CD109: variants seen among roughly 807,000 people sequenced by gnomAD.
CD109 encodes CD109 molecule.
A neutral mutation model predicts 165.8 loss-of-function variants in CD109; 149 were observed. That is an observed-to-expected ratio of 0.90 (90% CI 0.79 to 1.03). The LOEUF (loss-of-function observed/expected upper bound fraction) is 1.03, where lower values mean the gene tolerates loss of function less well. Among genes scored for constraint, CD109 ranks in the 50% least tolerant of loss-of-function variants. The pLI, the probability that CD109 is intolerant of heterozygous loss-of-function variation, is 0.00. For missense variants in CD109, 1,712 were observed against 1,677.8 expected (o/e 1.02, Z -0.36); for synonymous variants, 585 against 592.1 (o/e 0.99, Z 0.18).
chr6:73,692,996 T>C (rs565363125), upstream of CD109, among the ~76,000 whole-genome samples: 7 of 152,310 alleles, frequency 4.6e-5, no homozygotes, highest in African/African-American at 1.2e-4. Flanking sequence ...TAATAACATA[T>C]GAATATTTGT....
At chr6:73,759,977 G>A (rs117710003) in intron 7 of CD109, among the ~76,000 whole-genome samples, 3,144 of 151,868 alleles carry the variant, frequency 0.021, 50 homozygotes, top group Non-Finnish European at 0.03. Context: ...ATGAGGGGCT[G>A]TTTCTGTGTT....
At chr6:73,707,961 T>TA (rs1771348837) in intron 2 of CD109, among the ~76,000 whole-genome samples, 5 of 99,322 alleles carry the variant, frequency 5.0e-5, no homozygotes, top group South Asian at 3.5e-4. Flanking sequence ...AATTGTTATC[T>TA]TTATATATAT....
intron 2 of CD109, among the ~76,000 whole-genome samples, chr6:73,718,688 G>A (rs78203929): frequency 6.6e-6 from 1 of 151,944 alleles, no homozygotes; most frequent in East Asian, 1.9e-4. Context: ...GTGACCCTGG[G>A]AAAGTCATTT....
chr6:73,819,571 T>C (rs1021020235), intron 31 of CD109, among the ~76,000 whole-genome samples: 1 of 152,264 alleles, frequency 6.6e-6, no homozygotes, highest in African/African-American at 2.4e-5. Flanking sequence ...TTGCTGAATA[T>C]ATGCTTTTAA....
rs1774544134 is a variant in CD109 at position 73,782,512 on chromosome 6, C to A, written c.1964-102C>A. ...TGATACTCTCACTGGCACATTATGT[C>A]TCTGGACACCTCAAGTGATTGACAT... On this transcript the variant is annotated intron_variant, in intron 17 of 32. Coordinates refer to ENST00000287097, the MANE Select transcript of CD109 (RefSeq NM_133493.5). 6 of 1,143,400 alleles carry A rather than the reference C, an allele frequency of 5.2e-6. No homozygotes were observed. The South Asian group carries it at 8.8e-5, about 17-fold the overall frequency. The allele number at this position is 1,143,400 out of a possible 1,614,324, so 70.8% of individuals were successfully genotyped here.
At chr6:73,791,063 C>T (rs1170716063) in intron 22 of CD109, among the ~76,000 whole-genome samples, 1 of 146,928 alleles carries the variant, frequency 6.8e-6, no homozygotes, top group African/African-American at 2.5e-5. Flanking sequence ...AGATGTAATG[C>T]TTTTTTATTA....
In CD109 at chr6:73,788,363, A is replaced by C. The variant is rs1774777673; in HGVS notation, c.2557-105A>C. ...GATAGGTGCCTATTTAGCCACACAC[A>C]AACCTCAGACACAACAGGTCAGATG... On this transcript the variant is annotated intron_variant, in intron 21 of 32. Coordinates refer to ENST00000287097, the MANE Select transcript of CD109 (RefSeq NM_133493.5). 7 of 920,738 alleles carry C rather than the reference A, an allele frequency of 7.6e-6. No homozygotes were observed. In the South Asian group the frequency reaches 1.7e-4, roughly 23 times the overall value. The allele number at this position is 920,738 out of a possible 1,614,324, so 57.0% of individuals were successfully genotyped here. A position where few individuals can be genotyped will look rare whatever the true frequency, so the allele number is the denominator to read the frequency against.
intron 17 of CD109, among the ~76,000 whole-genome samples, chr6:73,781,835 A>ACACACACACACACACACACACACCC (rs150665697): frequency 5.1e-4 from 73 of 144,418 alleles, no homozygotes; most frequent in Middle Eastern, 7.1e-3. Context: ...ACACACACAC[A>ACACACACACACACACACACACACCC]CCCCTCATCA....
intron 3 of CD109, among the ~76,000 whole-genome samples, chr6:73,728,205 C>G (rs771084159): frequency 1.3e-5 from 2 of 152,146 alleles, no homozygotes; most frequent in African/African-American, 4.8e-5. Flanking sequence ...CCTGTAGTCC[C>G]AGCTACTTGG....
At position 73,780,456 on chromosome 6, in the gene CD109, A is replaced by T; in HGVS notation, c.1860A>T (p.Gly620=). The change falls in exon 16 of 33, where the codon GGA becomes GGT. Residue 620 remains glycine (G), a synonymous_variant. Transcript: ENST00000287097. Reference sequence around the variant, plus strand: ...ATGAGTTGGAACTTTATAACACAGGATATTATTTAGGCATGTTCATGAATT... The same window carrying T: ...ATGAGTTGGAACTTTATAACACAGGTTATTATTTAGGCATGTTCATGAATT... ...VVHELELYNT[G]YYLGMFMNSF... 3 of 1,608,786 alleles carry T rather than the reference A, an allele frequency of 1.9e-6. No homozygotes were observed. The highest frequency in any genetic ancestry group is 2.6e-6 in the Non-Finnish European group (3 of 1,176,020).
intron 15 of CD109, among the ~76,000 whole-genome samples, chr6:73,774,228 G>T (rs955515818): frequency 1.3e-5 from 2 of 152,170 alleles, no homozygotes; most frequent in East Asian, 3.8e-4. Context: ...TACTTCTACA[G>T]TATTTATACT....
chr6:73,736,316 T>C, intron 4 of CD109, 67 bp from the exon 5 acceptor site: 1 of 1,566,730 alleles, frequency 6.4e-7, no homozygotes, highest in Non-Finnish European at 8.7e-7. Context: ...GCATTATTCC[T>C]AACCTGATAG....
At chr6:73,679,940 T>C in the CD109 span, among the ~76,000 whole-genome samples, 1 of 152,178 alleles carries the variant, frequency 6.6e-6, no homozygotes, top group Non-Finnish European at 1.5e-5. Flanking sequence ...CGGGTATAGA[T>C]GTTTTTCAGT....
intron 3 of CD109, among the ~76,000 whole-genome samples, chr6:73,729,944 A>C (rs891396084): frequency 6.6e-6 from 1 of 152,232 alleles, no homozygotes; most frequent in African/African-American, 2.4e-5. Context: ...ATAGCAAGAA[A>C]CAAATTTTGT....
At chr6:73,773,097 G>A (rs1467890503) in intron 15 of CD109, among the ~76,000 whole-genome samples, 1 of 150,452 alleles carries the variant, frequency 6.6e-6, no homozygotes, top group Non-Finnish European at 1.5e-5. Context: ...GTGTATGTTT[G>A]TGTGTGTGTA....
intron 2 of CD109, among the ~76,000 whole-genome samples, chr6:73,720,296 T>G (rs1771901407): frequency 1.3e-5 from 2 of 152,078 alleles, no homozygotes; most frequent in African/African-American, 4.8e-5. Flanking sequence ...CTCACTTATA[T>G]GTGGAAGGTA....
At chr6:73,771,289 G>C in intron 14 of CD109, 140 bp from the exon 15 acceptor site, 2 of 591,728 alleles carry the variant, frequency 3.4e-6, no homozygotes, top group Non-Finnish European at 5.7e-6. Flanking sequence ...CCTAGAGAAG[G>C]GTTATGCATG....
At chr6:73,775,224 G>A (rs1487977145) in intron 15 of CD109, among the ~76,000 whole-genome samples, 2 of 151,850 alleles carry the variant, frequency 1.3e-5, no homozygotes, top group Non-Finnish European at 2.9e-5. Flanking sequence ...TGAGGTTATT[G>A]TGTATACATG....
Position 73,787,262 on chromosome 6 carries a change from A to C in CD109, c.2366A>C (p.Lys789Thr). The part of the protein sequence containing the change: ...EVKVIIEKSD[K>T]FDILMTSNEI... ...AAGGTAATCATTGAGAAAAGTGACA[A>C]ATTTGATATTCTAATGACTTCAAAT... Residue 789 changes from lysine (K) to threonine (T), a missense_variant, in exon 21 of 33, where the codon AAA becomes ACA. Physicochemically the swap from Lys to Thr is moderately conservative, Grantham distance 78 (BLOSUM62 -1). Coordinates refer to ENST00000287097, the MANE Select transcript of CD109 (RefSeq NM_133493.5). 1 of 1,612,900 alleles carries C rather than the reference A, an allele frequency of 6.2e-7. No individual in the cohort carries two copies. The highest frequency in any genetic ancestry group is 8.5e-7 in the Non-Finnish European group (1 of 1,179,212).
Sources: allele counts gnomAD v4.1 joint callset (sites outside exome capture counted in the v4.1 genomes callset), GRCh38; gene constraint gnomAD v4.1.1; transcripts MANE v1.5; gene names NCBI Gene and HGNC (gene_info 2026-07-23, HGNC 2026-07-21).